Variants in PCDHGA7 observed in about 807,000 individuals in gnomAD.
PCDHGA7 encodes protocadherin gamma-A7.
In PCDHGA7, 44 loss-of-function variants were observed where a neutral mutation model predicts 58.3. The ratio of observed to expected loss-of-function variants is 0.75; its 90% CI spans 0.59 to 0.97. The LOEUF is 0.97. Among genes scored for constraint, PCDHGA7 ranks in the 50% least tolerant of loss-of-function variants. PCDHGA7 has a pLI of 0.00. For missense variants in PCDHGA7, 1,266 were observed against 1,188.7 expected, an observed-to-expected ratio of 1.06 and a Z score of -0.96; for synonymous variants, 516 against 504.2, an observed-to-expected ratio of 1.02 and a Z score of -0.31.
At chr5:141,408,643 C>T (rs751905674) in intron 1 of PCDHGA7, 3 of 1,613,910 alleles carry the variant, frequency 1.9e-6, no homozygotes, top group Non-Finnish European at 1.7e-6. Context: ...AATCTGCATC[C>T]GCTGGTACAC....
intron 1 of PCDHGA7, among the ~76,000 whole-genome samples, chr5:141,482,529 GC>G (rs1229840218): frequency 3.6e-5 from 2 of 56,040 alleles, no homozygotes; most frequent in Non-Finnish European, 5.8e-5. Context: ...AGACAGACAT[GC>G]AAAAAAAAAA....
chr5:141,443,367 C>T (rs1305408862), intron 1 of PCDHGA7, among the ~76,000 whole-genome samples: 1 of 151,712 alleles, frequency 6.6e-6, no homozygotes, highest in African/African-American at 2.4e-5. Flanking sequence ...TGCCTGTGGT[C>T]TCAGCTACTT....
chr5:141,456,427 T>A (rs1156577293), intron 1 of PCDHGA7, among the ~76,000 whole-genome samples: 1 of 152,166 alleles, frequency 6.6e-6, no homozygotes, highest in East Asian at 1.9e-4. Context: ...ATTCAAGTTA[T>A]AGTATTGAGT....
chr5:141,492,492 G>A (rs896538392), intron 1 of PCDHGA7, among the ~76,000 whole-genome samples: 2 of 152,206 alleles, frequency 1.3e-5, no homozygotes, highest in African/African-American at 2.4e-5. Context: ...AGGACCAGGC[G>A]AGGACTCCGG....
At chr5:141,413,785 C>G (rs771027783) in intron 1 of PCDHGA7, 17 of 1,613,070 alleles carry the variant, frequency 1.1e-5, no homozygotes, top group Non-Finnish European at 1.4e-5. Flanking sequence ...GGAGCACTCC[C>G]TAGATCGCGA....
Position 141,491,686 on chromosome 5 carries a change from C to A in PCDHGA7, c.2425-3121C>A. The A allele has an allele frequency of 6.2e-7, 1 of 1,612,970 alleles. No homozygotes were observed. The highest frequency in any genetic ancestry group is 8.5e-7 in the Non-Finnish European group (1 of 1,179,558). Reference sequence around the variant, plus strand: ...CATCCGGTCCCGCTCTAATACGCTGCGGGAGCGGAGCCAGGTGAGGGGCTC... The same window carrying A: ...CATCCGGTCCCGCTCTAATACGCTGAGGGAGCGGAGCCAGGTGAGGGGCTC... On this transcript the variant is annotated intron_variant, in intron 1 of 3. Coordinates refer to ENST00000518325, the MANE Select transcript of PCDHGA7 (RefSeq NM_018920.4). The surrounding 1 kb of genome is among the most constrained non-coding windows in gnomAD (Gnocchi z 6.9).
rs142665639 is a variant in PCDHGA7, at chr5:141,384,384, C to T, written c.1485C>T (p.Thr495=). ...AQITYSLAED[T]IQGAPVSSYV... Reference sequence around the variant, plus strand: ...TCACTTATTCCTTGGCCGAAGACACCATCCAGGGGGCTCCAGTGTCCTCCT... The same window carrying T: ...TCACTTATTCCTTGGCCGAAGACACTATCCAGGGGGCTCCAGTGTCCTCCT... Residue 495 remains threonine, a synonymous_variant, in exon 1 of 4, where the codon ACC becomes ACT. Transcript: ENST00000518325. The T allele has an allele frequency of 6.2e-7, 1 of 1,613,816 alleles. No homozygotes were observed. Among genetic ancestry groups the T allele is most frequent in the Non-Finnish European group, 8.5e-7 (1 of 1,179,902 alleles).
Position 141,511,344 on chromosome 5 carries a change from T to G in PCDHGA7, c.*171T>G, listed in dbSNP as rs2099883730. 3 of 1,419,052 alleles carry G rather than the reference T, an allele frequency of 2.1e-6. No homozygotes were observed. Among genetic ancestry groups the G allele is most frequent in the Non-Finnish European group, 2.8e-6 (3 of 1,067,404 alleles). 87.9% of individuals were successfully genotyped at this position (1,419,052 alleles called of 1,614,324 possible). On this transcript the variant is annotated 3_prime_UTR_variant, in exon 4 of 4. Coordinates refer to ENST00000518325, the MANE Select transcript of PCDHGA7 (RefSeq NM_018920.4). The stretch of plus-strand genomic sequence containing the variant: ...CAAGTGCCCAGTCAGCACCTACCCC[T>G]TCCCCCCCAGGGGGTTGAATATGCA...
intron 1 of PCDHGA7, chr5:141,398,690 G>A (rs1258068362): frequency 1.9e-6 from 3 of 1,613,914 alleles, no homozygotes; most frequent in African/African-American, 1.3e-5. Flanking sequence ...AAACAGGATG[G>A]TAGTAAATAC....
Position 141,476,538 on chromosome 5 carries a change from A to G in PCDHGA7, c.2425-18269A>G, listed in dbSNP as rs2099393283. ...CCTGCTTTCCCTACCCAGGAAATGAAATTGGAGATTAGCGAGGCCGTGGCT... is the reference window on the plus strand; with the variant it reads ...CCTGCTTTCCCTACCCAGGAAATGAGATTGGAGATTAGCGAGGCCGTGGCT... On this transcript the variant is annotated intron_variant, in intron 1 of 3. Coordinates refer to ENST00000518325, the MANE Select transcript of PCDHGA7 (RefSeq NM_018920.4). The surrounding 1 kb of genome is among the most constrained non-coding windows in gnomAD (Gnocchi z 7.6). 1.2e-6 allele frequency: 2 copies of G among 1,614,162 alleles called. No homozygotes were observed. Among genetic ancestry groups the G allele is most frequent in the Non-Finnish European group, 1.7e-6 (2 of 1,180,042 alleles).
chr5:141,509,872 G>T (rs968745661), intron 3 of PCDHGA7, among the ~76,000 whole-genome samples: 16 of 152,166 alleles, frequency 1.1e-4, no homozygotes, highest in Non-Finnish European at 1.5e-5. Context: ...CCAAGCTGCT[G>T]GTGGTGATGG....
At chr5:141,453,871 A>T (rs561367146) in intron 1 of PCDHGA7, among the ~76,000 whole-genome samples, 8 of 152,364 alleles carry the variant, frequency 5.3e-5, no homozygotes, top group African/African-American at 1.9e-4. Flanking sequence ...ACAGATGAGC[A>T]AAATAATGTG....
intron 1 of PCDHGA7, chr5:141,424,576 C>CA (rs2096829154): frequency 6.6e-6 from 1 of 152,132 alleles, no homozygotes; most frequent in African/African-American, 2.4e-5. Context: ...AACCTATTTT[C>CA]AAATGTGCTA....
intron 1 of PCDHGA7, chr5:141,390,100 C>A (rs2092045935): frequency 1.2e-6 from 2 of 1,614,060 alleles, no homozygotes; most frequent in Non-Finnish European, 1.7e-6. Context: ...GTGGTTCCCC[C>A]CAACTACAGC....
At chr5:141,415,420 G>A in intron 1 of PCDHGA7, 2 of 1,614,226 alleles carry the variant, frequency 1.2e-6, no homozygotes, top group Non-Finnish European at 1.7e-6. Flanking sequence ...GGGCGTGGAC[G>A]GGGTTCGGGC....
chr5:141,445,224 G>A (rs1016307216), intron 1 of PCDHGA7, among the ~76,000 whole-genome samples: 6 of 152,194 alleles, frequency 3.9e-5, no homozygotes, highest in Admixed American at 2.0e-4. Context: ...GAGGTGCAAA[G>A]TGCTCTATTC....
At chr5:141,400,172 C>G in intron 1 of PCDHGA7, 1 of 1,614,082 alleles carries the variant, frequency 6.2e-7, no homozygotes, top group Non-Finnish European at 8.5e-7. Context: ...GACCCCCAGG[C>G]TGAGCTGCAG....
chr5:141,394,509 G>T lies in PCDHGA7; in HGVS notation c.2424+9186G>T, dbSNP rs367855808. 10 of 1,614,028 alleles carry T rather than the reference G, an allele frequency of 6.2e-6. No homozygotes were observed. The highest frequency in any genetic ancestry group is 7.6e-6 in the Non-Finnish European group (9 of 1,180,034). On this transcript the variant is annotated intron_variant, in intron 1 of 3. Transcript: ENST00000518325. ...CAACGCGCCCGAGATCCTGTACCCCGCCCTCCCCACAGACGGTTCCACTGG... is the reference window on the plus strand; with the variant it reads ...CAACGCGCCCGAGATCCTGTACCCCTCCCTCCCCACAGACGGTTCCACTGG...
Position 141,476,380 on chromosome 5 carries a change from G to C in PCDHGA7, c.2425-18427G>C. 1 of 1,614,154 alleles carries C rather than the reference G, an allele frequency of 6.2e-7. No homozygotes were observed. The highest frequency in any genetic ancestry group is 8.5e-7 in the Non-Finnish European group (1 of 1,180,042). On this transcript the variant is annotated intron_variant, in intron 1 of 3. Coordinates refer to ENST00000518325, the MANE Select transcript of PCDHGA7 (RefSeq NM_018920.4). The surrounding 1 kb of genome is among the most constrained non-coding windows in gnomAD (Gnocchi z 7.6). ...ACCGGGAGACCGGAGAGATGTTTGT[G>C]AACGACCGTCTGGATCGAGAGGAGC... is the stretch of plus-strand genomic sequence containing the variant.
Sources: allele counts gnomAD v4.1 joint callset (sites outside exome capture counted in the v4.1 genomes callset), GRCh38; gene constraint gnomAD v4.1.1; non-coding constraint Gnocchi (gnomAD v3.1); transcripts MANE v1.5; gene names NCBI Gene and HGNC (gene_info 2026-07-23, HGNC 2026-07-21).